Variants in SPAG17 observed in about 807,000 individuals in gnomAD.
SPAG17 encodes sperm associated antigen 17.
A neutral mutation model predicts 273.6 loss-of-function variants in SPAG17; 169 were observed. The ratio of observed to expected loss-of-function variants is 0.62; its 90% confidence interval spans 0.55 to 0.70. The LOEUF is 0.70. SPAG17 is among the 30% of genes least tolerant of loss of function. The pLI is 0.00. For synonymous variants in SPAG17, 825 were observed against 873.2 expected, an observed-to-expected ratio of 0.94 and a Z score of 0.97; for missense variants, 2,557 against 2,627.8, an observed-to-expected ratio of 0.97 and a Z score of 0.59.
chr1:118,060,089 T>C (rs1304107769), intron 18 of SPAG17, among the ~76,000 whole-genome samples: 1 of 152,154 alleles, frequency 6.6e-6, no homozygotes, highest in African/African-American at 2.4e-5. Context: ...TTTTGTTTTA[T>C]GGTTCTTTTG....
At chr1:118,088,070 G>C (rs1655123329) in intron 10 of SPAG17, among the ~76,000 whole-genome samples, 1 of 152,188 alleles carries the variant, frequency 6.6e-6, no homozygotes, top group Non-Finnish European at 1.5e-5. Flanking sequence ...TGTCAGAAGA[G>C]TCACTCACTG....
At chr1:117,967,500 C>G (rs1277726432) in intron 46 of SPAG17, among the ~76,000 whole-genome samples, 1 of 152,030 alleles carries the variant, frequency 6.6e-6, no homozygotes, top group Non-Finnish European at 1.5e-5. Context: ...AAAATCTCAT[C>G]ATGTTTTAAG....
chr1:117,984,053 A>G (rs1335237846), intron 41 of SPAG17, 140 bp from the exon 42 acceptor site: 1 of 522,516 alleles, frequency 1.9e-6, no homozygotes, highest in African/African-American at 1.9e-5. Flanking sequence ...ATTCTACAAG[A>G]GACTGATTAA....
intron 6 of SPAG17, 71 bp from the exon 7 acceptor site, chr1:118,097,922 T>C: frequency 9.8e-7 from 1 of 1,021,092 alleles, no homozygotes; most frequent in Non-Finnish European, 1.4e-6. Flanking sequence ...GTGAACATGG[T>C]GAGTCATATG....
At chr1:118,054,174 A>G in intron 19 of SPAG17, 81 bp from the exon 20 acceptor site, 1 of 830,462 alleles carries the variant, frequency 1.2e-6, no homozygotes, top group Non-Finnish European at 1.9e-6. Context: ...GTTAGATGAG[A>G]TCTCAAAGGC....
chr1:118,111,985 G>C (rs1385127937), intron 4 of SPAG17, among the ~76,000 whole-genome samples: 1 of 152,126 alleles, frequency 6.6e-6, no homozygotes, highest in Admixed American at 6.6e-5. Flanking sequence ...TAAAAGCACA[G>C]TTGGAATATA....
At chr1:118,069,040 G>C (rs190244541) in intron 17 of SPAG17, among the ~76,000 whole-genome samples, 1 of 152,228 alleles carries the variant, frequency 6.6e-6, no homozygotes, top group Admixed American at 6.5e-5. Context: ...GGTGGAATTA[G>C]AGGGTGGTAG....
chr1:118,005,009 A>G (rs1658727679), intron 32 of SPAG17, among the ~76,000 whole-genome samples: 1 of 152,120 alleles, frequency 6.6e-6, no homozygotes, highest in African/African-American at 2.4e-5. Context: ...TTTCAACCCT[A>G]CTGTATCCTT....
At chr1:117,982,933 A>T (rs1412615387) in intron 42 of SPAG17, among the ~76,000 whole-genome samples, 2 of 152,154 alleles carry the variant, frequency 1.3e-5, no homozygotes, top group African/African-American at 4.8e-5. Context: ...ATTTTGGTAG[A>T]CATTTTTCTC....
intron 40 of SPAG17, among the ~76,000 whole-genome samples, chr1:117,987,160 G>A (rs1280963634): frequency 6.6e-6 from 1 of 152,112 alleles, no homozygotes; most frequent in African/African-American, 2.4e-5. Flanking sequence ...TATAAAGACT[G>A]TCATGTCACG....
chr1:118,025,253 C>T lies in SPAG17; in HGVS notation c.3894G>A (p.Leu1298=), dbSNP rs774767785. ...TSQGTVVKYM[L]DGSTQILFAD... ...ATTCTTTTACCTGTGTGGATCCATC[C>T]AACATATATTTGACAACAGTGCCTT... is the stretch of plus-strand genomic sequence containing the variant. The change falls in exon 27 of 49, where the codon TTG becomes TTA. Residue 1298 remains leucine, a synonymous_variant. Transcript: ENST00000336338. 2 of 1,612,986 alleles carry T rather than the reference C, an allele frequency of 1.2e-6. No individual in the cohort carries two copies. Among genetic ancestry groups the T allele is most frequent in the South Asian group, 2.2e-5 (2 of 91,038 alleles).
chr1:118,139,119 GA>G (rs1047937438), intron 3 of SPAG17, among the ~76,000 whole-genome samples: 7 of 151,500 alleles, frequency 4.6e-5, no homozygotes, highest in African/African-American at 1.7e-4. Context: ...AAATGGACAA[GA>G]AAAAAAATTT....
At chr1:118,099,054 A>T (rs1655893365) in intron 6 of SPAG17, among the ~76,000 whole-genome samples, 1 of 152,172 alleles carries the variant, frequency 6.6e-6, no homozygotes, top group South Asian at 2.1e-4. Flanking sequence ...AACAGAAGTC[A>T]TCTAGGATAA....
intron 32 of SPAG17, among the ~76,000 whole-genome samples, chr1:118,002,645 C>T (rs1185216961): frequency 1.3e-5 from 2 of 152,062 alleles, no homozygotes; most frequent in African/African-American, 4.8e-5. Context: ...AGGATTGCAA[C>T]CCCTGCTTTT....
intron 32 of SPAG17, among the ~76,000 whole-genome samples, 200 bp downstream of exon 32, chr1:118,005,214 C>T (rs1296521172): frequency 1.3e-5 from 2 of 152,176 alleles, no homozygotes; most frequent in Admixed American, 1.3e-4. Flanking sequence ...AATTATTCGG[C>T]TTGCCATTCT....
chr1:118,007,751 C>A (rs1659047533), intron 31 of SPAG17, among the ~76,000 whole-genome samples: 1 of 152,180 alleles, frequency 6.6e-6, no homozygotes, highest in Non-Finnish European at 1.5e-5. Flanking sequence ...GTTTCTAACA[C>A]CCACAGTGCC....
At chr1:118,135,036 T>A (rs1658261785) in intron 3 of SPAG17, among the ~76,000 whole-genome samples, 1 of 152,238 alleles carries the variant, frequency 6.6e-6, no homozygotes, top group Admixed American at 6.5e-5. Flanking sequence ...AAGGCTGGAA[T>A]TAACTTTGTG....
chr1:118,020,451 A>G (rs762507468), intron 28 of SPAG17, among the ~76,000 whole-genome samples: 1 of 151,946 alleles, frequency 6.6e-6, no homozygotes, highest in South Asian at 2.1e-4. Context: ...AAAAAAAAAG[A>G]AAGAAAGAAA....
At chr1:118,116,118 T>A (rs1570721188) in intron 3 of SPAG17, among the ~76,000 whole-genome samples, 1 of 152,168 alleles carries the variant, frequency 6.6e-6, no homozygotes, top group South Asian at 2.1e-4. Context: ...GTTTTATGAC[T>A]GTGTTTTTTA....
Sources: gnomAD v4.1 joint callset for allele counts (sites outside exome capture counted in the v4.1 genomes callset) on GRCh38, gnomAD v4.1.1 for gene constraint, MANE v1.5 for transcripts, NCBI Gene and HGNC (gene_info 2026-07-23, HGNC 2026-07-21) for gene names.